Variants in DUSP3 observed in about 807,000 individuals in gnomAD.
The protein encoded by DUSP3 is dual specificity phosphatase 3.
DUSP3 carries 7 observed loss-of-function variants against 15.5 expected under a neutral mutation model. The observed-to-expected ratio is 0.45, with a 90% CI of 0.26 to 0.85. DUSP3 has a LOEUF of 0.85. DUSP3 is among the 40% of genes least tolerant of loss of function. DUSP3 has a pLI of 0.18. For missense variants in DUSP3, 209 were observed against 251.7 expected, an observed-to-expected ratio of 0.83 and a Z score of 1.15; for synonymous variants, 86 against 104.2, an observed-to-expected ratio of 0.83 and a Z score of 1.07.
intron 2 of DUSP3, among the ~76,000 whole-genome samples, chr17:43,770,137 T>C (rs996907503): frequency 1.3e-5 from 2 of 152,066 alleles, no homozygotes; most frequent in African/African-American, 4.8e-5. Context: ...CCAGGTCCAA[T>C]AGAGATACGC....
At chr17:43,770,632 C>G (rs1974304296) in intron 2 of DUSP3, among the ~76,000 whole-genome samples, 1 of 151,306 alleles carries the variant, frequency 6.6e-6, no homozygotes, top group African/African-American at 2.4e-5. Context: ...TGTGCTCCAG[C>G]CTGGGTGACA....
chr17:43,772,303 T>C (rs1040038305), intron 2 of DUSP3, among the ~76,000 whole-genome samples: 3 of 152,164 alleles, frequency 2.0e-5, no homozygotes, highest in African/African-American at 7.2e-5. Flanking sequence ...CTCCGGCCTG[T>C]ATGCCCGAAA....
intron 1 of DUSP3, among the ~76,000 whole-genome samples, chr17:43,775,926 C>A (rs1056915159): frequency 6.6e-6 from 1 of 152,106 alleles, no homozygotes; most frequent in Non-Finnish European, 1.5e-5. Flanking sequence ...GCCTGGCCAA[C>A]ATGGTGAAAC....
At position 43,766,768 on chromosome 17, in the gene DUSP3, C is replaced by T. The variant is rs1278942546; in HGVS notation, c.*2841G>A. On this transcript the variant is annotated 3_prime_UTR_variant, in exon 3 of 3. Transcript: ENST00000226004. ...GTGGTTTCTGGATAACTCAGAGTGG[C>T]AGGGACACAGACGAGCCTGTGGAAA... is the stretch of plus-strand genomic sequence containing the variant. 1 of 152,152 alleles carries T rather than the reference C, an allele frequency of 6.6e-6. No individual in the cohort carries two copies. The highest frequency in any genetic ancestry group is 6.6e-5 in the Admixed American group (1 of 15,254). The allele number at this position is 152,152 out of a possible 1,614,324, so 9.4% of individuals were successfully genotyped here. A position where few individuals can be genotyped will look rare whatever the true frequency, so the allele number is the denominator to read the frequency against.
chr17:43,770,242 A>G (rs1974297583), intron 2 of DUSP3, among the ~76,000 whole-genome samples: 1 of 152,226 alleles, frequency 6.6e-6, no homozygotes, highest in African/African-American at 2.4e-5. Flanking sequence ...CCACAGTAGA[A>G]AGGACAAATA....
chr17:43,770,986 ATATATG>A (rs1341957649), intron 2 of DUSP3, among the ~76,000 whole-genome samples: 5 of 63,326 alleles, frequency 7.9e-5, no homozygotes, highest in African/African-American at 2.0e-4. Flanking sequence ...GTGCGTGTAT[ATATATG>A]TGTGTGTGTG....
intron 2 of DUSP3, among the ~76,000 whole-genome samples, chr17:43,770,828 G>T (rs1013113074): frequency 6.6e-6 from 1 of 151,152 alleles, no homozygotes; most frequent in African/African-American, 2.4e-5. Flanking sequence ...GCGCGATCTC[G>T]GCTCACTTCA....
Position 43,769,570 on chromosome 17 carries a change from T to C in DUSP3, c.*39A>G. On this transcript the variant is annotated 3_prime_UTR_variant, in exon 3 of 3. Coordinates refer to ENST00000226004, the MANE Select transcript of DUSP3 (RefSeq NM_004090.4). ...GCTCGGGACACCTTTGCCCACGGCC[T>C]CCCCCACGGACCTCTCGAGCAGAGG... 1 of 1,605,852 alleles carries C rather than the reference T, an allele frequency of 6.2e-7. No individual in the cohort carries two copies. Among genetic ancestry groups the C allele is most frequent in the Admixed American group, 1.7e-5 (1 of 58,640 alleles).
In DUSP3 at chr17:43,769,758, C is replaced by T. The variant is rs202171863; in HGVS notation, c.409G>A (p.Ala137Thr). 9.9e-6 allele frequency: 16 copies of T among 1,614,008 alleles called. No homozygotes were observed. Among genetic ancestry groups the T allele is most frequent in the African/African-American group, 4.0e-5 (3 of 75,022 alleles). Residue 137 changes from alanine (A) to threonine (T), a missense_variant, in exon 3 of 3, where the codon GCC becomes ACC. Ala to Thr is a moderately conservative substitution (Grantham distance 58). Coordinates refer to ENST00000226004, the MANE Select transcript of DUSP3 (RefSeq NM_004090.4). ...ATCTTCTGCCGCATCATGAGGTAGG[C>T]GATAACTAGCGTTGGGGAGCGGCTA... is the stretch of plus-strand genomic sequence containing the variant. The part of the protein sequence containing the change: ...GYSRSPTLVI[A>T]YLMMRQKMDV...
rs1405203442 is a variant in DUSP3 at position 43,767,445 on chromosome 17, G to GC, written c.*2163dup. On this transcript the variant is annotated 3_prime_UTR_variant, in exon 3 of 3. Transcript: ENST00000226004. ...GCAGTACACCTGGAGATCCCAGGGA[G>GC]CCCCCTTCTTGAGAAAGAGTATCGT... 1.3e-5 allele frequency: 2 copies of GC among 152,646 alleles called. No homozygotes were observed. Among genetic ancestry groups the GC allele is most frequent in the Non-Finnish European group, 2.9e-5 (2 of 68,062 alleles). 9.5% of individuals were successfully genotyped at this position (152,646 alleles called of 1,614,324 possible).
chr17:43,772,343 C>A (rs540888863), intron 2 of DUSP3, among the ~76,000 whole-genome samples: 3 of 152,270 alleles, frequency 2.0e-5, no homozygotes, highest in South Asian at 2.1e-4. Context: ...CCTGCCCCAC[C>A]CTAGGAATGA....
At chr17:43,772,310 G>A (rs543594453) in intron 2 of DUSP3, among the ~76,000 whole-genome samples, 17 of 152,244 alleles carry the variant, frequency 1.1e-4, no homozygotes, top group African/African-American at 2.9e-4. Context: ...CTGTATGCCC[G>A]AAATATTCAG....
intron 1 of DUSP3, among the ~76,000 whole-genome samples, chr17:43,777,224 C>T (rs1342017581): frequency 1.3e-5 from 2 of 152,204 alleles, no homozygotes; most frequent in Non-Finnish European, 2.9e-5. Flanking sequence ...CCACCCGCCT[C>T]GGCCTCCCAA....
Position 43,774,746 on chromosome 17 carries a change from G to C in DUSP3, c.318C>G (p.Ala106=), listed in dbSNP as rs374962096. ...GAGCCAAAGCCTGGTCAATGAAGTC[G>C]GCAGCCCTTTCAAAGTAAGCGCTGA... ...FNLSAYFERA[A]DFIDQALAQK... Residue 106 remains alanine, a synonymous_variant, in exon 2 of 3, where the codon GCC becomes GCG. Coordinates refer to ENST00000226004, the MANE Select transcript of DUSP3 (RefSeq NM_004090.4). 2 of 1,614,190 alleles carry C rather than the reference G, an allele frequency of 1.2e-6. No homozygotes were observed. The highest frequency in any genetic ancestry group is 1.3e-5 in the African/African-American group (1 of 75,042).
In DUSP3 at chr17:43,769,614, G is replaced by T; in HGVS notation, c.553C>A (p.Pro185Thr). ...GCAGAGGTGGTGGGGGTGCCCTAGG[G>T]TTTCAACTTCCCCTCCTTGGCTAGT... ...DRLAKEGKLK[P>T] The change falls in exon 3 of 3, where the codon CCC becomes ACC. Residue 185 changes from proline (P) to threonine (T), a missense_variant. Coordinates refer to ENST00000226004, the MANE Select transcript of DUSP3 (RefSeq NM_004090.4). 1 of 1,611,608 alleles carries T rather than the reference G, an allele frequency of 6.2e-7. No individual in the cohort carries two copies. The highest frequency in any genetic ancestry group is 8.5e-7 in the Non-Finnish European group (1 of 1,179,726).
rs113523275 is a variant in DUSP3, at chr17:43,772,138, C to T, written c.353-2324G>A. Among the ~76,000 whole-genome samples the T allele has an allele frequency of 9.1e-3, 1,388 of 152,170 alleles. 18 individuals carry two copies. The highest frequency in any genetic ancestry group is 0.032 in the African/African-American group (1,345 of 41,486). On this transcript the variant is annotated intron_variant, in intron 2 of 2. Coordinates refer to ENST00000226004, the MANE Select transcript of DUSP3 (RefSeq NM_004090.4). ...CTGAGTGAATTATTACCTACTAACACCTCTATAAGGCCATTGTTTGGCAAG... is the reference window on the plus strand; with the variant it reads ...CTGAGTGAATTATTACCTACTAACATCTCTATAAGGCCATTGTTTGGCAAG...
In DUSP3 at chr17:43,774,722, A is replaced by T; in HGVS notation, c.342T>A (p.Ala114=). The T allele has an allele frequency of 6.2e-7, 1 of 1,614,136 alleles. No individual in the cohort carries two copies. ...RAADFIDQAL[A]QKNGRVLVHC... ...TGGGAGGTCCCTTACCATTCTTTTG[A>T]GCCAAAGCCTGGTCAATGAAGTCGG... The change falls in exon 2 of 3, where the codon GCT becomes GCA. Residue 114 remains alanine, a synonymous_variant. Transcript: ENST00000226004.
intron 1 of DUSP3, among the ~76,000 whole-genome samples, chr17:43,776,044 G>C (rs755850892): frequency 2.6e-5 from 4 of 152,180 alleles, no homozygotes; most frequent in Non-Finnish European, 5.9e-5. Flanking sequence ...ACTTGAACCC[G>C]GGAGGTGGAG....
intron 2 of DUSP3, among the ~76,000 whole-genome samples, chr17:43,774,294 T>C (rs1365664437): frequency 6.6e-6 from 1 of 152,040 alleles, no homozygotes; most frequent in Non-Finnish European, 1.5e-5. Context: ...GGAAAGGGCC[T>C]GGTCCAGAGG....
Sources: allele counts gnomAD v4.1 joint callset (sites outside exome capture counted in the v4.1 genomes callset), GRCh38; gene constraint gnomAD v4.1.1; transcripts MANE v1.5; gene names NCBI Gene and HGNC (gene_info 2026-07-23, HGNC 2026-07-21).